Variants in EFCAB8 observed in about 807,000 individuals in gnomAD.
The protein encoded by EFCAB8 is EF-hand calcium-binding domain-containing protein 8.
EFCAB8 carries 100 observed loss-of-function variants against 116.3 expected under a neutral mutation model. The ratio of observed to expected loss-of-function variants is 0.86; its 90% CI spans 0.73 to 1.02. The LOEUF is 1.02. Ranked by LOEUF, EFCAB8 falls within the 50% of genes least tolerant of loss-of-function variation. The pLI is 0.00. For synonymous variants in EFCAB8, 558 were observed against 567.9 expected (o/e 0.98, Z 0.25); for missense variants, 1,320 against 1,416.9 (o/e 0.93, Z 1.10).
Position 32,911,630 on chromosome 20 carries a change from C to T in EFCAB8, c.1708C>T (p.Arg570Trp), listed in dbSNP as rs938818167. The T allele has an allele frequency of 7.7e-6, 12 of 1,551,596 alleles. No individual in the cohort carries two copies. The highest frequency in any genetic ancestry group is 2.7e-5 in the African/African-American group (2 of 73,156). Reference sequence around the variant, plus strand: ...AGAGCGGTGCCTGCTCACAGGTTTGCGGGATGGCACAATGAAGATGTGGAA... The same window carrying T: ...AGAGCGGTGCCTGCTCACAGGTTTGTGGGATGGCACAATGAAGATGTGGAA... ...ESERCLLTGL[R>W]DGTMKMWNYN... is the part of the protein sequence containing the mutation. Residue 570 changes from arginine (R) to tryptophan (W), a missense_variant, in exon 16 of 27, where the codon CGG becomes TGG. By Grantham distance (101) the Arg-to-Trp change is moderately radical. Coordinates refer to ENST00000400522, the MANE Select transcript of EFCAB8 (RefSeq NM_001143967.2).
At chr20:32,949,594 C>G (rs1307229199) in intron 23 of EFCAB8, among the ~76,000 whole-genome samples, 1 of 152,180 alleles carries the variant, frequency 6.6e-6, no homozygotes, top group East Asian at 1.9e-4. Flanking sequence ...GAGATATATC[C>G]ATACATATAT....
chr20:32,935,894 G>A (rs1247095391), intron 22 of EFCAB8, among the ~76,000 whole-genome samples: 2 of 152,064 alleles, frequency 1.3e-5, no homozygotes, highest in Non-Finnish European at 2.9e-5. Context: ...CTTATCAGAT[G>A]TATGATTTAC....
intron 20 of EFCAB8, among the ~76,000 whole-genome samples, chr20:32,921,392 T>TGTGTGTGTGTG (rs57469624): frequency 6.7e-6 from 1 of 149,610 alleles, no homozygotes; most frequent in Non-Finnish European, 1.5e-5. Flanking sequence ...TGTGTGTGTG[T>TGTGTGTGTGTG]TTTTGTAGAG....
At chr20:32,922,641 A>G (rs1987506504) in intron 20 of EFCAB8, among the ~76,000 whole-genome samples, 1 of 152,176 alleles carries the variant, frequency 6.6e-6, no homozygotes, top group South Asian at 2.1e-4. Flanking sequence ...TTGCTGTTTT[A>G]TGAATAGGCT....
intron 20 of EFCAB8, among the ~76,000 whole-genome samples, chr20:32,922,204 A>C (rs1239682176): frequency 6.6e-6 from 1 of 152,246 alleles, no homozygotes; most frequent in Admixed American, 6.5e-5. Flanking sequence ...GTCCTCTATG[A>C]ATAGGTCTGT....
chr20:32,885,689 T>C, intron 6 of EFCAB8, 49 bp downstream of exon 6: 3 of 1,542,518 alleles, frequency 1.9e-6, no homozygotes, highest in Non-Finnish European at 2.6e-6. Context: ...TTGGAGAGCC[T>C]CTGCCTTAGC....
rs1985947916 is a variant in EFCAB8, at chr20:32,892,106, C to T, written c.674-107C>T. The T allele has an allele frequency of 4.0e-6, 4 of 1,003,814 alleles. No homozygotes were observed. The South Asian group carries it at 6.0e-5, about 15-fold the overall frequency. 62.2% of individuals were successfully genotyped at this position (1,003,814 alleles called of 1,614,324 possible). A position where few individuals can be genotyped will look rare whatever the true frequency, so the allele number is the denominator to read the frequency against. On this transcript the variant is annotated intron_variant, in intron 7 of 26. Coordinates refer to ENST00000400522, the MANE Select transcript of EFCAB8 (RefSeq NM_001143967.2). Reference sequence around the variant, plus strand: ...TGTGGTTGCCATGGGGGAAAAAGGGCTGAAGGGGCCAGAGATTCCTTGGGA... The same window carrying T: ...TGTGGTTGCCATGGGGGAAAAAGGGTTGAAGGGGCCAGAGATTCCTTGGGA...
At chr20:32,892,318 C>G in intron 8 of EFCAB8, 21 bp downstream of exon 8, 1 of 1,549,780 alleles carries the variant, frequency 6.5e-7, no homozygotes, top group Non-Finnish European at 8.7e-7. Context: ...ACTGGGTGTT[C>G]CTCACATGAA....
At chr20:32,946,742 A>G (rs1458061357) in intron 23 of EFCAB8, among the ~76,000 whole-genome samples, 1 of 152,186 alleles carries the variant, frequency 6.6e-6, no homozygotes, top group Non-Finnish European at 1.5e-5. Context: ...TGGTATCACA[A>G]TCAAGACATA....
In EFCAB8 at chr20:32,890,176, G is replaced by A. The variant is rs559931723; in HGVS notation, c.673+770G>A. 3.9e-5 allele frequency among the ~76,000 whole-genome samples: 6 copies of A among 152,202 alleles called. No individual in the cohort carries two copies. In the East Asian group the frequency reaches 9.7e-4, roughly 24 times the overall value. ...GGCCTTCAGAGGTCTGAGCCCTGCCGCCTCCAGTAGTCTCCACCTGTCCCC... is the reference window on the plus strand; with the variant it reads ...GGCCTTCAGAGGTCTGAGCCCTGCCACCTCCAGTAGTCTCCACCTGTCCCC... On this transcript the variant is annotated intron_variant, in intron 7 of 26. Coordinates refer to ENST00000400522, the MANE Select transcript of EFCAB8 (RefSeq NM_001143967.2).
intron 5 of EFCAB8, among the ~76,000 whole-genome samples, chr20:32,880,371 C>A (rs143640532): frequency 6.6e-6 from 1 of 151,834 alleles, no homozygotes; most frequent in East Asian, 1.9e-4. Flanking sequence ...CGGGTTCAAG[C>A]GATTCTCCCG....
chr20:32,932,310 G>C (rs1472744130), intron 22 of EFCAB8, among the ~76,000 whole-genome samples: 1 of 152,080 alleles, frequency 6.6e-6, no homozygotes, highest in Non-Finnish European at 1.5e-5. Context: ...CCGGGAGGTG[G>C]AGGTTGCAGT....
chr20:32,898,259 T>G, intron 10 of EFCAB8: 1 of 455,330 alleles, frequency 2.2e-6, no homozygotes, highest in Non-Finnish European at 4.0e-6. Flanking sequence ...AGATTTCAAA[T>G]GAAAGTAGGC....
chr20:32,896,800 G>A (rs1473248978), intron 10 of EFCAB8, among the ~76,000 whole-genome samples: 1 of 152,144 alleles, frequency 6.6e-6, no homozygotes, highest in Non-Finnish European at 1.5e-5. Context: ...GCCTCTAGCT[G>A]GGTTCCCCAC....
chr20:32,917,674 C>T (rs1259441477), intron 18 of EFCAB8, among the ~76,000 whole-genome samples, 169 bp downstream of exon 18: 1 of 152,126 alleles, frequency 6.6e-6, no homozygotes, highest in African/African-American at 2.4e-5. Context: ...TGTAATTATC[C>T]TCATTGGACA....
intron 9 of EFCAB8, 99 bp downstream of exon 9, chr20:32,893,397 G>T (rs1600392866): frequency 6.7e-7 from 1 of 1,487,272 alleles, no homozygotes; most frequent in Non-Finnish European, 9.0e-7. Flanking sequence ...CCCTGCCTCT[G>T]CTCTGGAGTC....
At chr20:32,908,640 C>T (rs1399669662) in intron 14 of EFCAB8, among the ~76,000 whole-genome samples, 2 of 152,234 alleles carry the variant, frequency 1.3e-5, no homozygotes, top group Admixed American at 6.5e-5. Context: ...GCTGTCTGCA[C>T]TGTCCCCACT....
chr20:32,953,425 C>A (rs1254354348), intron 23 of EFCAB8, among the ~76,000 whole-genome samples: 1 of 152,188 alleles, frequency 6.6e-6, no homozygotes, highest in African/African-American at 2.4e-5. Context: ...AGCACATGTA[C>A]CATTTTATAA....
chr20:32,930,021 G>A (rs1357381788), intron 20 of EFCAB8, among the ~76,000 whole-genome samples: 1 of 152,254 alleles, frequency 6.6e-6, no homozygotes, highest in East Asian at 1.9e-4. Context: ...GAAGGGGAAT[G>A]AGTTCCTTCC....
Sources: gnomAD v4.1 joint callset for allele counts (sites outside exome capture counted in the v4.1 genomes callset) on GRCh38, gnomAD v4.1.1 for gene constraint, MANE v1.5 for transcripts, NCBI Gene and HGNC (gene_info 2026-07-23, HGNC 2026-07-21) for gene names.